The following XKR3 variants were observed in gnomAD, a reference collection of about 807,000 sequenced individuals.
XKR3 encodes XK related 3.
A neutral mutation model predicts 40.3 loss-of-function variants in XKR3; 27 were observed. That is an observed-to-expected ratio of 0.67 (90% CI 0.49 to 0.92). The LOEUF is 0.92. Ranked by LOEUF, XKR3 falls within the 40% of genes least tolerant of loss-of-function variation. XKR3 has a pLI of 0.00. For missense variants in XKR3, 472 were observed against 537.6 expected (o/e 0.88, Z 1.21); for synonymous variants, 193 against 195.4 (o/e 0.99, Z 0.10).
At chr22:16,817,368 T>C (rs1269132348) in intron 1 of XKR3, among the ~76,000 whole-genome samples, 1 of 150,970 alleles carries the variant, frequency 6.6e-6, no homozygotes, top group Admixed American at 6.6e-5. Context: ...CAGTTTCTGC[T>C]TTTGAGGTAG....
intron 2 of XKR3, among the ~76,000 whole-genome samples, chr22:16,802,626 A>G (rs1316887966): frequency 6.6e-6 from 1 of 152,074 alleles, no homozygotes; most frequent in African/African-American, 2.4e-5. Context: ...AGTATCTGGA[A>G]CTACAGGTGG....
chr22:16,784,125 C>T lies in XKR3; in HGVS notation c.874G>A (p.Gly292Ser). The T allele has an allele frequency of 1.2e-6, 2 of 1,614,116 alleles. No homozygotes were observed. Among genetic ancestry groups the T allele is most frequent in the South Asian group, 1.1e-5 (1 of 91,084 alleles). The stretch of plus-strand genomic sequence containing the variant: ...ATATTGGAATTATTTTCTTTGTTGC[C>T]AGGAAGATGAGCTCCACTTTTCCAA... ...EFWKSGAHLP[G>S]NKENNSNMVG... Residue 292 changes from glycine to serine, a missense_variant, in exon 4 of 4, where the codon GGC (glycine) becomes AGC (serine). By Grantham distance (56) the Gly-to-Ser change is moderately conservative (BLOSUM62 0). Transcript: ENST00000684488.
intron 1 of XKR3, among the ~76,000 whole-genome samples, chr22:16,821,890 C>T (rs1223952111): frequency 6.6e-6 from 1 of 151,978 alleles, no homozygotes; most frequent in Non-Finnish European, 1.5e-5. Flanking sequence ...CATGGAGTTA[C>T]AGTTTAGTTT....
In XKR3 at chr22:16,807,826, A is replaced by C; in HGVS notation, c.248T>G (p.Ile83Ser). The change falls in exon 2 of 4, where the codon ATT becomes AGT. Residue 83 changes from isoleucine (I) to serine (S), a missense_variant. Coordinates refer to ENST00000684488, the MANE Select transcript of XKR3 (RefSeq NM_001386955.1). ...GTCTTTGTTGAAAAACATCAGGATAATTTGATCCAAAATTGCCCCCACAAT... is the reference window on the plus strand; with the variant it reads ...GTCTTTGTTGAAAAACATCAGGATACTTTGATCCAAAATTGCCCCCACAAT... ...FIIVGAILDQ[I>S]ILMFFNKDLR... The C allele has an allele frequency of 6.2e-7, 1 of 1,613,978 alleles. No homozygotes were observed. The highest frequency in any genetic ancestry group is 8.5e-7 in the Non-Finnish European group (1 of 1,179,914).
At chr22:16,822,043 T>C (rs1318838909) in intron 1 of XKR3, among the ~76,000 whole-genome samples, 1 of 152,102 alleles carries the variant, frequency 6.6e-6, no homozygotes, top group Non-Finnish European at 1.5e-5. Context: ...CTGTGATAGG[T>C]GCCACAAAGA....
chr22:16,807,774 A>G lies in XKR3; in HGVS notation c.300T>C (p.Leu100=). Residue 100 remains leucine, a synonymous_variant, in exon 2 of 4, where the codon CTT becomes CTC. Transcript: ENST00000684488. ...GTCCTAAAAGAAGAATGTGCCAAAA[A>G]AGTAATGCAGCCTTATTTCTCCTCA... ...KDLRRNKAAL[L]FWHILLLGPI... The G allele has an allele frequency of 6.2e-7, 1 of 1,608,982 alleles. No individual in the cohort carries two copies. Among genetic ancestry groups the G allele is most frequent in the Non-Finnish European group, 8.5e-7 (1 of 1,177,212 alleles).
At chr22:16,787,500 A>G (rs1453233710) in intron 3 of XKR3, among the ~76,000 whole-genome samples, 2 of 151,888 alleles carry the variant, frequency 1.3e-5, no homozygotes, top group East Asian at 3.9e-4. Context: ...CGGAGGTTGC[A>G]TTGAGCCAAG....
chr22:16,800,138 G>A (rs552818007), intron 2 of XKR3, 114 bp from the exon 3 acceptor site: 2 of 1,203,164 alleles, frequency 1.7e-6, no homozygotes, highest in South Asian at 1.6e-5. Context: ...CTATCAAATG[G>A]CAAATATTAA....
In XKR3 at chr22:16,813,128, C is replaced by CA. The variant is rs549762332; in HGVS notation, c.-10-5046dup. 7.9e-5 allele frequency among the ~76,000 whole-genome samples: 12 copies of CA among 151,892 alleles called. No homozygotes were observed. The South Asian group carries it at 2.3e-3, about 29-fold the overall frequency. The stretch of plus-strand genomic sequence containing the variant: ...TGAAACCCCGTCTCTACTAAAAATA[C>CA]AAAAAATTAGCCTGGCGTGGTGGCA... On this transcript the variant is annotated intron_variant, in intron 1 of 3. Transcript: ENST00000684488.
At chr22:16,804,061 A>C (rs1215268733) in intron 2 of XKR3, among the ~76,000 whole-genome samples, 3 of 152,172 alleles carry the variant, frequency 2.0e-5, no homozygotes, top group Admixed American at 1.3e-4. Flanking sequence ...AATGAACAAA[A>C]ATCACAGGAT....
intron 1 of XKR3, among the ~76,000 whole-genome samples, chr22:16,808,694 G>T (rs1482237586): frequency 1.3e-5 from 2 of 152,126 alleles, no homozygotes; most frequent in African/African-American, 4.8e-5. Context: ...GCAATAGTAG[G>T]TTTAAACTCT....
At chr22:16,820,633 G>A (rs957214881) in intron 1 of XKR3, among the ~76,000 whole-genome samples, 16 of 95,358 alleles carry the variant, frequency 1.7e-4, no homozygotes, top group Non-Finnish European at 3.6e-4. Context: ...CCATCTTGTT[G>A]ACATACATAG....
intron 1 of XKR3, among the ~76,000 whole-genome samples, chr22:16,822,395 AAT>A (rs1601854299): frequency 1.3e-5 from 2 of 150,186 alleles, no homozygotes; most frequent in East Asian, 1.9e-4. Context: ...TAAAAAAATA[AAT>A]AAATAATAGA....
At position 16,795,019 on chromosome 22, in the gene XKR3, T is replaced by C. The variant is rs1031947976; in HGVS notation, c.589+4752A>G. Among the ~76,000 whole-genome samples, 591 of 152,234 alleles carry C rather than the reference T, an allele frequency of 3.9e-3. 3 individuals are homozygous for C. The highest frequency in any genetic ancestry group is 0.014 in the African/African-American group (571 of 41,544). On this transcript the variant is annotated intron_variant, in intron 3 of 3. Coordinates refer to ENST00000684488, the MANE Select transcript of XKR3 (RefSeq NM_001386955.1). ...ACAAGTTCTTGACTAAAAAAGAAAC[T>C]CTGGACTTAAACTCAACACTTGACC...
chr22:16,812,718 A>C lies in XKR3; in HGVS notation c.-10-4635T>G, dbSNP rs995679244. On this transcript the variant is annotated intron_variant, in intron 1 of 3. Transcript: ENST00000684488. Reference sequence around the variant, plus strand: ...ATAAAGTACACACTCGGTGATTTTCAAGGTATTCACAAAGTTGTACAAACA... The same window carrying C: ...ATAAAGTACACACTCGGTGATTTTCCAGGTATTCACAAAGTTGTACAAACA... Among the ~76,000 whole-genome samples, 19 of 152,266 alleles carry C rather than the reference A, an allele frequency of 1.2e-4. 1 individual carries two copies. Among genetic ancestry groups the C allele is most frequent in the Admixed American group, 7.8e-4 (12 of 15,298 alleles).
At chr22:16,784,470 T>G (rs1440938599) in intron 3 of XKR3, 61 bp from the exon 4 acceptor site, 1 of 1,427,702 alleles carries the variant, frequency 7.0e-7, no homozygotes, top group Non-Finnish European at 9.4e-7. Flanking sequence ...ACCACTTTCT[T>G]TTTTAAACTT....
intron 3 of XKR3, among the ~76,000 whole-genome samples, chr22:16,785,726 T>G (rs2013206): frequency 0.85 from 129,312 of 151,532 alleles, 55,280 homozygotes; most frequent in Middle Eastern, 0.97. Context: ...TAGCCGGGCA[T>G]AGACCCAGAT....
Position 16,799,988 on chromosome 22 carries a change from C to G in XKR3, c.372G>C (p.Leu124Phe). The G allele has an allele frequency of 6.2e-7, 1 of 1,614,110 alleles. No homozygotes were observed. The highest frequency in any genetic ancestry group is 8.5e-7 in the Non-Finnish European group (1 of 1,179,992). ...CTTCCTTCTCCTGTTTAAGATTTTT[C>G]AACCATTTGTGGTAATTTCTAATGG... ...LHTIRNYHKW[L>F]KNLKQEKEET... The change falls in exon 3 of 4, where the codon TTG (leucine) becomes TTC (phenylalanine). Residue 124 changes from leucine to phenylalanine, a missense_variant. Leu to Phe is a conservative substitution (Grantham distance 22, BLOSUM62 0). Coordinates refer to ENST00000684488, the MANE Select transcript of XKR3 (RefSeq NM_001386955.1).
chr22:16,787,708 C>A, intron 3 of XKR3, among the ~76,000 whole-genome samples: 1 of 151,440 alleles, frequency 6.6e-6, no homozygotes, highest in South Asian at 2.1e-4. Context: ...AGATTAAATC[C>A]AAATAATATC....
Sources: gnomAD v4.1 joint callset for allele counts (sites outside exome capture counted in the v4.1 genomes callset) on GRCh38, gnomAD v4.1.1 for gene constraint, MANE v1.5 for transcripts, NCBI Gene and HGNC (gene_info 2026-07-23, HGNC 2026-07-21) for gene names.